Variants in MARK4 observed in about 807,000 individuals in gnomAD.
MARK4 encodes microtubule affinity regulating kinase 4.
Under a neutral mutation model 81.5 loss-of-function variants are expected in MARK4, and 19 were observed. The observed-to-expected ratio is 0.23, with a 90% CI of 0.16 to 0.34. MARK4 has a LOEUF of 0.34. MARK4 is among the 10% of genes least tolerant of loss of function. The pLI, the probability that MARK4 is intolerant of heterozygous loss-of-function variation, is 1.00. For synonymous variants in MARK4, 436 were observed against 439.0 expected (o/e 0.99, Z 0.08); for missense variants, 772 against 1,058.8 (o/e 0.73, Z 3.76).
In MARK4 at chr19:45,297,947, A is replaced by G; in HGVS notation, c.1870A>G (p.Thr624Ala). 6.9e-7 allele frequency: 1 copy of G among 1,452,924 alleles called. No homozygotes were observed. The highest frequency in any genetic ancestry group is 9.2e-7 in the Non-Finnish European group (1 of 1,087,382). The allele number at this position is 1,452,924 out of a possible 1,614,324, so 90.0% of individuals were successfully genotyped here. Residue 624 changes from threonine (T) to alanine (A), a missense_variant, in exon 15 of 17, where the codon ACC becomes GCC. Transcript: ENST00000262891. ...NLFTKLTSKL[T>A]RRVADEPERI... Reference sequence around the variant, plus strand: ...CTTCACCAAGCTGACCTCCAAACTGACCCGAAGGTGAGCTCCGCGGGGATG... The same window carrying G: ...CTTCACCAAGCTGACCTCCAAACTGGCCCGAAGGTGAGCTCCGCGGGGATG...
At chr19:45,298,498 G>A (rs920979841) in intron 15 of MARK4, among the ~76,000 whole-genome samples, 2 of 152,154 alleles carry the variant, frequency 1.3e-5, no homozygotes, top group Non-Finnish European at 2.9e-5. Flanking sequence ...CTGTCTCCTA[G>A]GGTTATTGTG....
chr19:45,281,549 C>T (rs373167486), intron 12 of MARK4, among the ~76,000 whole-genome samples: 74 of 150,168 alleles, frequency 4.9e-4, no homozygotes, highest in East Asian at 3.0e-3. Context: ...TTAGTAGAGA[C>T]AGGGTTTCAC....
At chr19:45,261,425 C>T (rs1970379378) in intron 2 of MARK4, among the ~76,000 whole-genome samples, 1 of 152,164 alleles carries the variant, frequency 6.6e-6, no homozygotes, top group Admixed American at 6.5e-5. Context: ...TGTACTTCAC[C>T]ACATTCTCAG....
In MARK4 at chr19:45,302,528, C is replaced by T; in HGVS notation, c.2077C>T (p.Pro693Ser). 3 of 1,600,892 alleles carry T rather than the reference C, an allele frequency of 1.9e-6. No individual in the cohort carries two copies. Among genetic ancestry groups the T allele is most frequent in the Non-Finnish European group, 2.5e-6 (3 of 1,178,622 alleles). Residue 693 changes from proline to serine, a missense_variant, in exon 17 of 17, where the codon CCG becomes TCG. Around this residue, in one of 3 missense-constraint regions of MARK4, gnomAD observed 548 missense variants for 624.3 expected, o/e 0.88. Coordinates refer to ENST00000262891, the MANE Select transcript of MARK4 (RefSeq NM_001199867.2). The surrounding 1 kb of genome is among the most constrained non-coding windows in gnomAD (Gnocchi z 4.9). ...CCGCTGCCGCTGCCGCCAGCCACAG[C>T]CGTTCCTGCTGGCCTGCCTGCACGG... ...AARCRCRQPQPFLLACLHGGA... is the reference protein window; with the variant it reads ...AARCRCRQPQSFLLACLHGGA...
At chr19:45,294,965 A>G (rs1970867736) in intron 14 of MARK4, among the ~76,000 whole-genome samples, 1 of 152,106 alleles carries the variant, frequency 6.6e-6, no homozygotes, top group Non-Finnish European at 1.5e-5. Flanking sequence ...GGGCAGGTTG[A>G]TGGCCAACAC....
chr19:45,259,204 A>G lies in MARK4; in HGVS notation c.252+15A>G, dbSNP rs371125273. The G allele has an allele frequency of 5.0e-6, 8 of 1,613,024 alleles. No individual in the cohort carries two copies. Among genetic ancestry groups the G allele is most frequent in the African/African-American group, 4.0e-5 (3 of 74,920 alleles). On this transcript the variant is annotated intron_variant, in intron 2 of 16. Transcript: ENST00000262891. ...CTGGTCGGGAGGTGAGTATGGGCAC[A>G]GGGTGGGGCTCGGGGCAGGTCCCTG... is the stretch of plus-strand genomic sequence containing the variant.
chr19:45,266,636 G>T (rs1253800695), intron 7 of MARK4, among the ~76,000 whole-genome samples: 1 of 151,812 alleles, frequency 6.6e-6, no homozygotes, highest in African/African-American at 2.4e-5. Flanking sequence ...GGCATTCTCC[G>T]ACCTTAGGAC....
intron 1 of MARK4, among the ~76,000 whole-genome samples, chr19:45,256,266 C>T (rs1970306847): frequency 6.6e-6 from 1 of 152,036 alleles, no homozygotes; most frequent in Non-Finnish European, 1.5e-5. Context: ...GATGAAACCT[C>T]GTCTCTACTA....
At chr19:45,253,172 A>C (rs1599774415) in intron 1 of MARK4, among the ~76,000 whole-genome samples, 24 of 138,260 alleles carry the variant, frequency 1.7e-4, no homozygotes, top group South Asian at 2.3e-4. Flanking sequence ...TGTTTCCCTC[A>C]CCTCCGACAG....
chr19:45,301,286 G>A (rs974624633), intron 16 of MARK4, among the ~76,000 whole-genome samples: 4 of 152,136 alleles, frequency 2.6e-5, no homozygotes, highest in East Asian at 1.9e-4. Context: ...AGAAGTGGCC[G>A]GGCACTGTGG....
chr19:45,278,805 A>AT (rs1408692807), intron 10 of MARK4, among the ~76,000 whole-genome samples, 190 bp downstream of exon 10: 1 of 152,194 alleles, frequency 6.6e-6, no homozygotes, highest in Non-Finnish European at 1.5e-5. Flanking sequence ...GGGTTTTGCC[A>AT]TGTTGGCCAT....
intron 2 of MARK4, among the ~76,000 whole-genome samples, chr19:45,262,732 A>G (rs1165941735): frequency 6.6e-6 from 1 of 152,196 alleles, no homozygotes; most frequent in Non-Finnish European, 1.5e-5. Flanking sequence ...CCCCATCCAC[A>G]GGGTATGGCC....
chr19:45,290,217 T>A (rs1449516519), intron 13 of MARK4, among the ~76,000 whole-genome samples: 1 of 152,254 alleles, frequency 6.6e-6, no homozygotes, highest in African/African-American at 2.4e-5. Context: ...TTCCAGTTTA[T>A]TTTGGTTCTA....
At chr19:45,299,352 A>C (rs141232263) in intron 15 of MARK4, among the ~76,000 whole-genome samples, 76 of 152,262 alleles carry the variant, frequency 5.0e-4, no homozygotes, top group Non-Finnish European at 8.1e-4. Flanking sequence ...TGAGCCTGGG[A>C]GGTTGAGGCT....
intron 8 of MARK4, 134 bp from the exon 9 acceptor site, chr19:45,277,789 T>C (rs1344801666): frequency 9.4e-7 from 1 of 1,064,782 alleles, no homozygotes; most frequent in East Asian, 2.9e-5. Flanking sequence ...ACTCAGAGCT[T>C]CTGTCACTTC....
intron 1 of MARK4, among the ~76,000 whole-genome samples, chr19:45,256,173 C>T (rs1358597430): frequency 6.6e-6 from 1 of 152,190 alleles, no homozygotes; most frequent in Non-Finnish European, 1.5e-5. Context: ...GGTGGTGGCT[C>T]AGGCCTGTAA....
chr19:45,264,259 T>G (rs1268166547), intron 4 of MARK4, among the ~76,000 whole-genome samples: 1 of 150,950 alleles, frequency 6.6e-6, no homozygotes, highest in African/African-American at 2.4e-5. Flanking sequence ...CCCAGCACTT[T>G]GGGAGGCCGA....
intron 8 of MARK4, among the ~76,000 whole-genome samples, chr19:45,274,662 A>G (rs1023756821): frequency 3.3e-5 from 5 of 152,114 alleles, no homozygotes; most frequent in Non-Finnish European, 5.9e-5. Context: ...CAAACAAAAC[A>G]GGCTCTGACA....
At chr19:45,267,718 T>C (rs1315443081) in intron 7 of MARK4, among the ~76,000 whole-genome samples, 1 of 152,218 alleles carries the variant, frequency 6.6e-6, no homozygotes, top group African/African-American at 2.4e-5. Flanking sequence ...TGAAGTGTGA[T>C]GTTTCCATCA....
Sources: gnomAD v4.1 joint callset for allele counts (sites outside exome capture counted in the v4.1 genomes callset) on GRCh38, gnomAD v4.1.1 for gene constraint, gnomAD v4.1.1 regional missense constraint, Gnocchi (gnomAD v3.1) non-coding constraint, MANE v1.5 for transcripts, NCBI Gene and HGNC (gene_info 2026-07-23, HGNC 2026-07-21) for gene names.